DLG2: variants seen among roughly 807,000 people sequenced by gnomAD.
DLG2 encodes the protein disks large homolog 2.
Under a neutral mutation model 132.5 loss-of-function variants are expected in DLG2, and 45 were observed. That is an observed-to-expected ratio of 0.34 (90% CI 0.27 to 0.44). The LOEUF (loss-of-function observed/expected upper bound fraction) is 0.44. Among genes scored for constraint, DLG2 ranks in the 20% least tolerant of loss-of-function variants. The pLI is 1.00. For synonymous variants in DLG2, 424 were observed against 419.6 expected (o/e 1.01, Z -0.13); for missense variants, 1,045 against 1,196.9 (o/e 0.87, Z 1.87).
intron 6 of DLG2, among the ~76,000 whole-genome samples, chr11:84,941,603 T>C (rs1049397799): frequency 6.6e-6 from 1 of 152,174 alleles, no homozygotes; most frequent in Non-Finnish European, 1.5e-5. Context: ...GTGATCTTTT[T>C]AATGTGTTGT....
At chr11:83,800,703 C>CAG (rs984594709) in intron 17 of DLG2, among the ~76,000 whole-genome samples, 4 of 151,972 alleles carry the variant, frequency 2.6e-5, no homozygotes, top group African/African-American at 9.7e-5. Context: ...TTTGGATTAC[C>CAG]AGGTCATTTC....
intron 4 of DLG2, among the ~76,000 whole-genome samples, chr11:85,226,270 G>A (rs1249532352): frequency 6.6e-6 from 1 of 151,876 alleles, no homozygotes; most frequent in African/African-American, 2.4e-5. Flanking sequence ...ATGGATGGAT[G>A]GATGGATGCA....
rs116834294 is a variant in DLG2 at position 83,738,319 on chromosome 11, G to A, written c.1825+48371C>T. On this transcript the variant is annotated intron_variant, in intron 18 of 27. Coordinates refer to ENST00000376104, the MANE Select transcript of DLG2 (RefSeq NM_001142699.3). ...TAGGCTTCTGGAGATAATATGATGTGCAGTACACAGCCAAGATTTTTTTTT... is the reference window on the plus strand; with the variant it reads ...TAGGCTTCTGGAGATAATATGATGTACAGTACACAGCCAAGATTTTTTTTT... Among the ~76,000 whole-genome samples the A allele has an allele frequency of 8.7e-3, 1,328 of 152,120 alleles. 21 individuals carry two copies. The highest frequency in any genetic ancestry group is 0.031 in the African/African-American group (1,279 of 41,490).
At chr11:84,005,552 C>A (rs2094537566) in intron 11 of DLG2, among the ~76,000 whole-genome samples, 1 of 151,690 alleles carries the variant, frequency 6.6e-6, no homozygotes, top group African/African-American at 2.4e-5. Context: ...AGGGAAGAAA[C>A]AACAAATTGA....
chr11:85,365,777 T>C (rs1306272996), intron 3 of DLG2, among the ~76,000 whole-genome samples: 1 of 152,156 alleles, frequency 6.6e-6, no homozygotes, highest in African/African-American at 2.4e-5. Context: ...GTTCATGTCC[T>C]TTGTAGGAAT....
At chr11:84,223,761 T>C (rs1396666062) in intron 8 of DLG2, among the ~76,000 whole-genome samples, 2 of 152,192 alleles carry the variant, frequency 1.3e-5, no homozygotes, top group Non-Finnish European at 2.9e-5. Context: ...TTCGGCATGT[T>C]GGCCAGGCTG....
At chr11:84,172,272 T>C (rs2095842459) in intron 8 of DLG2, among the ~76,000 whole-genome samples, 1 of 152,118 alleles carries the variant, frequency 6.6e-6, no homozygotes, top group African/African-American at 2.4e-5. Flanking sequence ...CTCATCATAG[T>C]TCATTATTCC....
At chr11:84,451,573 A>G (rs1472873741) in intron 7 of DLG2, among the ~76,000 whole-genome samples, 1 of 151,784 alleles carries the variant, frequency 6.6e-6, no homozygotes, top group Non-Finnish European at 1.5e-5. Context: ...TCTAATAAGC[A>G]ATGTGATAAA....
chr11:83,528,207 G>C (rs2095654949), intron 21 of DLG2, among the ~76,000 whole-genome samples: 1 of 152,174 alleles, frequency 6.6e-6, no homozygotes, highest in African/African-American at 2.4e-5. Flanking sequence ...TGTAGACATA[G>C]ACTTTGTAAA....
chr11:84,500,441 A>G (rs1473530560), intron 7 of DLG2, among the ~76,000 whole-genome samples: 1 of 152,228 alleles, frequency 6.6e-6, no homozygotes, highest in East Asian at 1.9e-4. Context: ...TTAAAGAATC[A>G]ATGAAAACAT....
rs188573791 is a variant in DLG2 at position 84,733,925 on chromosome 11, T to G, written c.358-199194A>C. On this transcript the variant is annotated intron_variant, in intron 6 of 27. Coordinates refer to ENST00000376104, the MANE Select transcript of DLG2 (RefSeq NM_001142699.3). The stretch of plus-strand genomic sequence containing the variant: ...TTCCCCATTTCTTGTTTTTGTCAGG[T>G]TTGTCAAAGATCAGATGGTTGTAGA... 3.9e-5 allele frequency among the ~76,000 whole-genome samples: 6 copies of G among 152,280 alleles called. No individual in the cohort carries two copies. In the East Asian group the frequency reaches 1.2e-3, roughly 29 times the overall value.
chr11:83,574,340 A>T (rs2096842690), intron 19 of DLG2, among the ~76,000 whole-genome samples: 1 of 152,312 alleles, frequency 6.6e-6, no homozygotes, highest in East Asian at 1.9e-4. Context: ...AGTATAAAAG[A>T]TATATATGTA....
At chr11:85,324,245 A>AT (rs1014763263) in intron 3 of DLG2, among the ~76,000 whole-genome samples, 2 of 151,894 alleles carry the variant, frequency 1.3e-5, no homozygotes, top group African/African-American at 2.4e-5. Context: ...TTCTACTTGT[A>AT]TTTTTTTGGT....
intron 6 of DLG2, among the ~76,000 whole-genome samples, chr11:85,096,972 C>T (rs890904452): frequency 6.6e-6 from 1 of 152,090 alleles, no homozygotes; most frequent in Non-Finnish European, 1.5e-5. Flanking sequence ...AAGAAGAAAG[C>T]CATTCAACTC....
intron 6 of DLG2, among the ~76,000 whole-genome samples, chr11:84,916,348 C>CAAAAAA (rs11423369): frequency 0.065 from 1,815 of 27,916 alleles, 439 homozygotes; most frequent in Middle Eastern, 0.17. Flanking sequence ...GACTCCGTCT[C>CAAAAAA]AAAAAAAAAA....
intron 18 of DLG2, among the ~76,000 whole-genome samples, chr11:83,765,949 C>G (rs1272547472): frequency 6.6e-6 from 1 of 152,200 alleles, no homozygotes; most frequent in African/African-American, 2.4e-5. Flanking sequence ...TGAGAGCACA[C>G]TTGACAGCAT....
At chr11:84,012,711 C>A (rs1245748329) in intron 11 of DLG2, among the ~76,000 whole-genome samples, 1 of 152,082 alleles carries the variant, frequency 6.6e-6, no homozygotes, top group Non-Finnish European at 1.5e-5. Context: ...AGGAGGAAAG[C>A]AGGATCAGTC....
intron 6 of DLG2, among the ~76,000 whole-genome samples, chr11:85,028,693 G>A (rs1020550421): frequency 2.6e-5 from 4 of 152,194 alleles, no homozygotes; most frequent in African/African-American, 9.6e-5. Context: ...GGAACAGGGA[G>A]AGGCCAGACA....
intron 7 of DLG2, among the ~76,000 whole-genome samples, chr11:84,408,892 C>A (rs571035709): frequency 1.3e-5 from 2 of 152,160 alleles, no homozygotes; most frequent in Admixed American, 6.5e-5. Context: ...TACAGCAAGG[C>A]CCTTGCTCAT....
Sources: allele counts gnomAD v4.1 joint callset (sites outside exome capture counted in the v4.1 genomes callset), GRCh38; gene constraint gnomAD v4.1.1; transcripts MANE v1.5; gene names NCBI Gene and HGNC (gene_info 2026-07-23, HGNC 2026-07-21).